Variants in PKIB observed in about 807,000 individuals in gnomAD.
PKIB encodes the protein PKI-beta.
Under a neutral mutation model 4.5 loss-of-function variants are expected in PKIB, and 2 were observed. The observed-to-expected ratio is 0.44, with a 90% CI of 0.18 to 1.39. The LOEUF (loss-of-function observed/expected upper bound fraction) is 1.39. Among genes scored for constraint, PKIB ranks in the 40% most tolerant of loss-of-function variants. PKIB has a pLI of 0.27. For missense variants in PKIB, 94 were observed against 92.6 expected, an observed-to-expected ratio of 1.02 and a Z score of -0.06; for synonymous variants, 38 against 36.0, an observed-to-expected ratio of 1.06 and a Z score of -0.20.
intron 3 of PKIB, 178 bp from the exon 4 acceptor site, chr6:122,717,609 C>A: frequency 1.6e-6 from 1 of 629,958 alleles, no homozygotes; most frequent in Non-Finnish European, 2.7e-6. Context: ...CTGCTCTATT[C>A]AGCAAATGTG....
intron 2 of PKIB, among the ~76,000 whole-genome samples, chr6:122,537,900 GT>G (rs1350234895): frequency 6.6e-6 from 1 of 151,792 alleles, no homozygotes; most frequent in Non-Finnish European, 1.5e-5. Flanking sequence ...TCTCATTATG[GT>G]TTTGATTTGC....
At chr6:122,565,940 T>G (rs1403498394) in intron 2 of PKIB, among the ~76,000 whole-genome samples, 2 of 152,230 alleles carry the variant, frequency 1.3e-5, no homozygotes, top group African/African-American at 4.8e-5. Flanking sequence ...CTGTTTTCCT[T>G]TGACTTTTCT....
intron 3 of PKIB, among the ~76,000 whole-genome samples, chr6:122,703,175 A>G (rs1582828153): frequency 6.6e-6 from 1 of 152,202 alleles, no homozygotes; most frequent in Non-Finnish European, 1.5e-5. Context: ...GTACACATGC[A>G]TATTGTCTAT....
chr6:122,552,678 C>T (rs1193723015), intron 2 of PKIB, among the ~76,000 whole-genome samples: 1 of 152,150 alleles, frequency 6.6e-6, no homozygotes, highest in Non-Finnish European at 1.5e-5. Flanking sequence ...ACACCCAACC[C>T]ATCTCAGGCA....
chr6:122,614,550 C>G (rs567746011), intron 1 of PKIB, among the ~76,000 whole-genome samples: 32 of 150,570 alleles, frequency 2.1e-4, no homozygotes, highest in African/African-American at 7.6e-4. Flanking sequence ...AGTAAGTAAA[C>G]TGTAGGCTTT....
At chr6:122,507,198 T>C (rs1776437787) in intron 2 of PKIB, among the ~76,000 whole-genome samples, 2 of 152,172 alleles carry the variant, frequency 1.3e-5, no homozygotes, top group Non-Finnish European at 1.5e-5. Flanking sequence ...AGTAGTCTTT[T>C]AGGCAACTGA....
chr6:122,711,614 C>A (rs888307192), intron 3 of PKIB, among the ~76,000 whole-genome samples: 3 of 152,108 alleles, frequency 2.0e-5, no homozygotes, highest in Non-Finnish European at 2.9e-5. Context: ...AAATCTGACT[C>A]CCCCAAACAC....
intron 3 of PKIB, among the ~76,000 whole-genome samples, chr6:122,676,623 T>C (rs1777686042): frequency 6.6e-6 from 1 of 152,176 alleles, no homozygotes; most frequent in Non-Finnish European, 1.5e-5. Context: ...ACTGAAACAT[T>C]GCTGCTTAGT....
chr6:122,701,219 T>G (rs528976756), intron 3 of PKIB: 3 of 457,500 alleles, frequency 6.6e-6, no homozygotes, highest in Non-Finnish European at 1.2e-5. Context: ...TGCTTGGTTC[T>G]CCATGGTGTG....
intron 2 of PKIB, among the ~76,000 whole-genome samples, chr6:122,496,047 A>G (rs1403676060): frequency 6.6e-6 from 1 of 152,174 alleles, no homozygotes; most frequent in Non-Finnish European, 1.5e-5. Context: ...ACCCCCATGA[A>G]AAGCTCAGGG....
chr6:122,575,795 T>C (rs1773513701), intron 2 of PKIB, among the ~76,000 whole-genome samples: 1 of 152,196 alleles, frequency 6.6e-6, no homozygotes, highest in Non-Finnish European at 1.5e-5. Context: ...AAAGGCTATA[T>C]ATTGGGTACA....
At chr6:122,588,115 T>C (rs1250215718) in intron 3 of PKIB, among the ~76,000 whole-genome samples, 2 of 152,322 alleles carry the variant, frequency 1.3e-5, no homozygotes, top group Non-Finnish European at 2.9e-5. Context: ...ATGTCCTGAA[T>C]GGTATTGCCT....
chr6:122,541,161 T>G (rs898446601), intron 2 of PKIB, among the ~76,000 whole-genome samples: 9 of 152,118 alleles, frequency 5.9e-5, no homozygotes, highest in Admixed American at 4.6e-4. Context: ...GTCTTTTAAT[T>G]GGAGCATTTA....
chr6:122,507,037 C>G (rs1041408146), intron 2 of PKIB, among the ~76,000 whole-genome samples: 2 of 152,050 alleles, frequency 1.3e-5, no homozygotes, highest in Admixed American at 1.3e-4. Context: ...AATTTTTTCA[C>G]CATTGTTGAG....
intron 3 of PKIB, among the ~76,000 whole-genome samples, chr6:122,601,418 G>C (rs1774360121): frequency 6.6e-6 from 1 of 152,122 alleles, no homozygotes; most frequent in Admixed American, 6.5e-5. Context: ...CTTTTTTAAA[G>C]TATTGGAAAA....
At chr6:122,501,928 ACT>A (rs1491183199) in intron 2 of PKIB, among the ~76,000 whole-genome samples, 1 of 119,734 alleles carries the variant, frequency 8.4e-6, no homozygotes, top group African/African-American at 3.2e-5. Context: ...CAGCCAGGCC[ACT>A]TTTTTTTTTT....
intron 2 of PKIB, among the ~76,000 whole-genome samples, chr6:122,662,213 CA>C (rs1777016636): frequency 7.1e-6 from 1 of 141,572 alleles, no homozygotes. Flanking sequence ...TTCAATTTAT[CA>C]ATTTTTTTTG....
At chr6:122,591,166 T>C (rs1582719589) in intron 3 of PKIB, among the ~76,000 whole-genome samples, 3 of 146,724 alleles carry the variant, frequency 2.0e-5, no homozygotes, top group Admixed American at 6.8e-5. Flanking sequence ...GCAAGGAAGG[T>C]CCCCCCCCAC....
chr6:122,498,343 A>G (rs1019808049), intron 2 of PKIB, among the ~76,000 whole-genome samples: 1 of 152,084 alleles, frequency 6.6e-6, no homozygotes, highest in African/African-American at 2.4e-5. Context: ...TATCAGGAGG[A>G]CAGTGCAGGA....
Sources: allele counts gnomAD v4.1 joint callset (sites outside exome capture counted in the v4.1 genomes callset), GRCh38; gene constraint gnomAD v4.1.1; transcripts MANE v1.5; gene names NCBI Gene and HGNC (gene_info 2026-07-23, HGNC 2026-07-21).